The following PHACTR1 variants were observed in gnomAD, a reference collection of about 807,000 sequenced individuals.
PHACTR1 encodes the protein RPEL repeat containing 1.
Under a neutral mutation model 69.2 loss-of-function variants are expected in PHACTR1, and 16 were observed. That is an observed-to-expected ratio of 0.23 (90% CI 0.16 to 0.35). The LOEUF is 0.35. Among genes scored for constraint, PHACTR1 ranks in the 10% least tolerant of loss-of-function variants. PHACTR1 has a pLI of 1.00. For synonymous variants in PHACTR1, 312 were observed against 284.5 expected (o/e 1.10, Z -0.97); for missense variants, 510 against 734.7 (o/e 0.69, Z 3.54).
At chr6:13,148,208 CAT>C (rs1823735804) in intron 5 of PHACTR1, among the ~76,000 whole-genome samples, 1 of 133,970 alleles carries the variant, frequency 7.5e-6, no homozygotes, top group African/African-American at 2.9e-5. Context: ...AATTTGCAAA[CAT>C]AAGAGAAGTT....
At chr6:12,769,034 T>A (rs1313778084) in intron 4 of PHACTR1, among the ~76,000 whole-genome samples, 2 of 151,532 alleles carry the variant, frequency 1.3e-5, no homozygotes, top group Non-Finnish European at 2.9e-5. Flanking sequence ...TAGCAGAGAG[T>A]GGAATGGTGG....
intron 4 of PHACTR1, among the ~76,000 whole-genome samples, chr6:12,973,321 A>T (rs1328774491): frequency 4.6e-5 from 7 of 152,084 alleles, no homozygotes; most frequent in Admixed American, 4.6e-4. Context: ...CCAATTTTAA[A>T]TCTCCTCCAC....
intron 4 of PHACTR1, among the ~76,000 whole-genome samples, chr6:13,034,623 G>C (rs992235139): frequency 3.3e-5 from 5 of 152,108 alleles, no homozygotes; most frequent in African/African-American, 1.2e-4. Context: ...TTGGGGCTGG[G>C]TTGTTATCTG....
intron 4 of PHACTR1, among the ~76,000 whole-genome samples, chr6:12,996,932 A>G (rs1405543085): frequency 6.6e-6 from 1 of 152,170 alleles, no homozygotes; most frequent in Non-Finnish European, 1.5e-5. Flanking sequence ...TTGGGAGGCC[A>G]AGGCAGGCAG....
intron 10 of PHACTR1, among the ~76,000 whole-genome samples, chr6:13,243,617 T>C (rs1773165687): frequency 1.3e-5 from 2 of 152,048 alleles, no homozygotes; most frequent in African/African-American, 4.8e-5. Flanking sequence ...GGTTCAAGGG[T>C]ACACGTACAG....
At chr6:12,949,611 G>A (rs1300931141) in intron 4 of PHACTR1, among the ~76,000 whole-genome samples, 3 of 152,170 alleles carry the variant, frequency 2.0e-5, no homozygotes, top group African/African-American at 7.2e-5. Context: ...AAGGGGGTCT[G>A]AATATAGTGC....
chr6:13,100,078 A>G (rs574653548), intron 5 of PHACTR1, among the ~76,000 whole-genome samples: 1 of 152,350 alleles, frequency 6.6e-6, no homozygotes, highest in Admixed American at 6.5e-5. Context: ...AATACTGTAG[A>G]AGAGGAAAAT....
chr6:13,003,440 A>G (rs1265379719), intron 4 of PHACTR1, among the ~76,000 whole-genome samples: 1 of 152,178 alleles, frequency 6.6e-6, no homozygotes, highest in African/African-American at 2.4e-5. Flanking sequence ...TACTTTAAAA[A>G]TAATCTATAA....
intron 5 of PHACTR1, among the ~76,000 whole-genome samples, chr6:13,073,030 G>C (rs1809778682): frequency 6.6e-6 from 1 of 152,038 alleles, no homozygotes; most frequent in Admixed American, 6.6e-5. Flanking sequence ...GTCTTTTGTA[G>C]TTTATTATAC....
chr6:13,271,498 A>T (rs999523718), intron 10 of PHACTR1, among the ~76,000 whole-genome samples: 9 of 152,216 alleles, frequency 5.9e-5, no homozygotes, highest in African/African-American at 1.9e-4. Context: ...AATTAAAAAT[A>T]TAGTCCTTTC....
intron 4 of PHACTR1, among the ~76,000 whole-genome samples, chr6:12,968,891 A>C (rs1387603082): frequency 6.6e-6 from 1 of 152,230 alleles, no homozygotes. Flanking sequence ...TAAAAAAGAA[A>C]GAAAGAAAGA....
At chr6:13,004,992 T>C (rs1329904863) in intron 4 of PHACTR1, among the ~76,000 whole-genome samples, 1 of 151,730 alleles carries the variant, frequency 6.6e-6, no homozygotes, top group African/African-American at 2.4e-5. Context: ...ATATTTCTTA[T>C]TCTTTAAATA....
chr6:13,100,234 A>G (rs1464083199), intron 5 of PHACTR1, among the ~76,000 whole-genome samples: 1 of 152,168 alleles, frequency 6.6e-6, no homozygotes, highest in East Asian at 1.9e-4. Context: ...AAACAGGTAA[A>G]CTTGTTATTT....
intron 4 of PHACTR1, among the ~76,000 whole-genome samples, chr6:12,974,372 C>T (rs1303390453): frequency 6.6e-6 from 1 of 152,198 alleles, no homozygotes; most frequent in African/African-American, 2.4e-5. Context: ...TTACACTCAG[C>T]ATATCACCAT....
chr6:13,106,226 G>A (rs972566355), intron 5 of PHACTR1, among the ~76,000 whole-genome samples: 3 of 151,900 alleles, frequency 2.0e-5, no homozygotes, highest in African/African-American at 7.3e-5. Context: ...CAATCATATT[G>A]CCTGCAAATA....
At chr6:13,264,526 C>T (rs1233395242) in intron 10 of PHACTR1, among the ~76,000 whole-genome samples, 5 of 152,142 alleles carry the variant, frequency 3.3e-5, no homozygotes, top group Non-Finnish European at 2.9e-5. Flanking sequence ...TCGAGACCAG[C>T]CTGGCCAACA....
chr6:13,255,360 A>C (rs1775036098), intron 10 of PHACTR1, among the ~76,000 whole-genome samples: 1 of 152,194 alleles, frequency 6.6e-6, no homozygotes, highest in Admixed American at 6.5e-5. Context: ...ATTGAACATG[A>C]GATTTGGGTA....
At chr6:12,953,228 CA>C (rs1791501185) in intron 4 of PHACTR1, among the ~76,000 whole-genome samples, 1 of 152,154 alleles carries the variant, frequency 6.6e-6, no homozygotes, top group Non-Finnish European at 1.5e-5. Context: ...GAGGCTGCGG[CA>C]GGAGAATCTC....
intron 4 of PHACTR1, among the ~76,000 whole-genome samples, chr6:12,909,325 C>A (rs1430705127): frequency 6.6e-6 from 1 of 152,190 alleles, no homozygotes; most frequent in Non-Finnish European, 1.5e-5. Flanking sequence ...AACGATGTCA[C>A]TATTTACATT....
Sources: gnomAD v4.1 joint callset for allele counts (sites outside exome capture counted in the v4.1 genomes callset) on GRCh38, gnomAD v4.1.1 for gene constraint, MANE v1.5 for transcripts, NCBI Gene and HGNC (gene_info 2026-07-23, HGNC 2026-07-21) for gene names.